The following MAGI2 variants were observed in gnomAD, a reference collection of about 807,000 sequenced individuals.
The protein encoded by MAGI2 is membrane-associated guanylate kinase, WW and PDZ domain-containing protein 2.
In MAGI2, 35 loss-of-function variants were observed where a neutral mutation model predicts 133.3. That is an observed-to-expected ratio of 0.26 (90% CI 0.20 to 0.35). MAGI2 has a LOEUF of 0.35. Ranked by LOEUF, MAGI2 falls within the 10% of genes least tolerant of loss-of-function variation. MAGI2 has a pLI of 1.00. For missense variants in MAGI2, 1,636 were observed against 1,863.4 expected (o/e 0.88, Z 2.25); for synonymous variants, 729 against 710.6 (o/e 1.03, Z -0.41).
intron 2 of MAGI2, among the ~76,000 whole-genome samples, chr7:78,866,396 A>G (rs1794556944): frequency 6.6e-6 from 1 of 152,148 alleles, no homozygotes; most frequent in Non-Finnish European, 1.5e-5. Context: ...TGTCCTGGAC[A>G]AATCAGGAAA....
intron 3 of MAGI2, among the ~76,000 whole-genome samples, chr7:78,534,782 T>C (rs1278961503): frequency 1.3e-5 from 2 of 152,062 alleles, no homozygotes; most frequent in African/African-American, 2.4e-5. Flanking sequence ...GGGGAGCAAG[T>C]AGAGTCAGTG....
At chr7:79,401,227 C>T (rs190207903) in intron 1 of MAGI2, among the ~76,000 whole-genome samples, 19 of 152,266 alleles carry the variant, frequency 1.2e-4, no homozygotes, top group African/African-American at 4.6e-4. Context: ...ATGCCACATG[C>T]AATCTTTTCC....
chr7:78,175,114 C>T (rs1348537307), intron 14 of MAGI2, among the ~76,000 whole-genome samples: 1 of 152,172 alleles, frequency 6.6e-6, no homozygotes, highest in Non-Finnish European at 1.5e-5. Flanking sequence ...CTGAGTTGTT[C>T]TAGTGAATTA....
At chr7:78,782,243 G>C (rs1826454596) in intron 2 of MAGI2, among the ~76,000 whole-genome samples, 1 of 152,142 alleles carries the variant, frequency 6.6e-6, no homozygotes, top group Admixed American at 6.5e-5. Flanking sequence ...AAATCCATTA[G>C]GTAGAACAAA....
intron 2 of MAGI2, among the ~76,000 whole-genome samples, chr7:78,871,476 C>A (rs1465046027): frequency 6.6e-6 from 1 of 151,868 alleles, no homozygotes; most frequent in East Asian, 1.9e-4. Context: ...CACCTGTTAC[C>A]CTAGAACTGT....
At chr7:78,178,553 G>C (rs1169430239) in intron 13 of MAGI2, among the ~76,000 whole-genome samples, 1 of 150,848 alleles carries the variant, frequency 6.6e-6, no homozygotes. Context: ...ATTAATATCT[G>C]TTTATGACAT....
chr7:78,880,668 G>A (rs1795772857), intron 2 of MAGI2, among the ~76,000 whole-genome samples: 1 of 152,112 alleles, frequency 6.6e-6, no homozygotes, highest in Non-Finnish European at 1.5e-5. Flanking sequence ...ACTACACAAT[G>A]TAAATTAACG....
At chr7:79,332,029 T>C (rs1382948907) in intron 1 of MAGI2, among the ~76,000 whole-genome samples, 2 of 152,192 alleles carry the variant, frequency 1.3e-5, no homozygotes, top group African/African-American at 2.4e-5. Flanking sequence ...TTGAGCACTT[T>C]ATATGTGACA....
chr7:79,163,725 G>A (rs1303785631), intron 1 of MAGI2, among the ~76,000 whole-genome samples: 1 of 152,036 alleles, frequency 6.6e-6, no homozygotes, highest in Non-Finnish European at 1.5e-5. Context: ...TTTTTTGGCT[G>A]CTTGGGTTGT....
At chr7:78,417,221 A>G (rs2151391008) in intron 6 of MAGI2, among the ~76,000 whole-genome samples, 1 of 152,112 alleles carries the variant, frequency 6.6e-6, no homozygotes, top group East Asian at 1.9e-4. Context: ...AAAGACTGTT[A>G]TTTTATTTTG....
chr7:78,931,324 A>G (rs1220800315), intron 2 of MAGI2, among the ~76,000 whole-genome samples: 1 of 152,078 alleles, frequency 6.6e-6, no homozygotes, highest in Non-Finnish European at 1.5e-5. Flanking sequence ...ACCACTGTAC[A>G]TAAATTTTAG....
At chr7:78,582,730 T>C (rs1802964572) in intron 3 of MAGI2, among the ~76,000 whole-genome samples, 1 of 152,230 alleles carries the variant, frequency 6.6e-6, no homozygotes, top group Admixed American at 6.5e-5. Flanking sequence ...ACACATTTGT[T>C]ACGGCAGCTA....
At chr7:78,407,669 T>A (rs1466068930) in intron 6 of MAGI2, among the ~76,000 whole-genome samples, 4 of 149,606 alleles carry the variant, frequency 2.7e-5, no homozygotes, top group East Asian at 1.9e-4. Flanking sequence ...TTTTTTTTTT[T>A]AAATTCCAAC....
chr7:78,888,289 C>T lies in MAGI2; in HGVS notation c.418+118801G>A, dbSNP rs187329134. 1.7e-3 allele frequency among the ~76,000 whole-genome samples: 262 copies of T among 152,332 alleles called. 2 individuals are homozygous for T. The highest frequency in any genetic ancestry group is 5.4e-3 in the African/African-American group (224 of 41,580). On this transcript the variant is annotated intron_variant, in intron 2 of 21. Transcript: ENST00000354212. ...AAGGAGGCCTGCCTGCCTCTGTAGACTCCACCTCTGGGGGCAGGGCATAGC... is the reference window on the plus strand; with the variant it reads ...AAGGAGGCCTGCCTGCCTCTGTAGATTCCACCTCTGGGGGCAGGGCATAGC...
intron 6 of MAGI2, among the ~76,000 whole-genome samples, chr7:78,444,870 TTTATA>T (rs1277111589): frequency 4.7e-5 from 7 of 147,748 alleles, no homozygotes; most frequent in Admixed American, 6.8e-5. Flanking sequence ...AATATATAAA[TTTATA>T]TTTATATGTA....
At chr7:78,941,715 T>C (rs1800990526) in intron 2 of MAGI2, among the ~76,000 whole-genome samples, 1 of 144,432 alleles carries the variant, frequency 6.9e-6, no homozygotes, top group Non-Finnish European at 1.5e-5. Context: ...AACAGTTTCC[T>C]GAGCCTATTT....
intron 6 of MAGI2, among the ~76,000 whole-genome samples, chr7:78,443,818 A>T (rs1294694293): frequency 6.6e-6 from 1 of 152,178 alleles, no homozygotes; most frequent in Non-Finnish European, 1.5e-5. Flanking sequence ...GACATCAAAG[A>T]TGTCTCAAAG....
intron 3 of MAGI2, among the ~76,000 whole-genome samples, chr7:78,545,087 C>T (rs1384583008): frequency 6.6e-6 from 1 of 151,726 alleles, no homozygotes; most frequent in Non-Finnish European, 1.5e-5. Context: ...GGCAGGTATC[C>T]AAGCTGGCAT....
intron 3 of MAGI2, among the ~76,000 whole-genome samples, chr7:78,578,091 T>C (rs990485753): frequency 6.6e-6 from 1 of 151,900 alleles, no homozygotes; most frequent in African/African-American, 2.4e-5. Context: ...TTTTATTGGT[T>C]TTCACTTTAA....
Sources: allele counts gnomAD v4.1 joint callset (sites outside exome capture counted in the v4.1 genomes callset), GRCh38; gene constraint gnomAD v4.1.1; transcripts MANE v1.5; gene names NCBI Gene and HGNC (gene_info 2026-07-23, HGNC 2026-07-21).